The following GAS2L3 variants were observed in gnomAD, a reference collection of about 807,000 sequenced individuals.
The protein encoded by GAS2L3 is growth arrest specific 2 like 3, also known as GAS2-like protein 3.
Under a neutral mutation model 37.0 loss-of-function variants are expected in GAS2L3, and 28 were observed. The observed-to-expected ratio is 0.76, with a 90% confidence interval of 0.56 to 1.04. The LOEUF (loss-of-function observed/expected upper bound fraction) is 1.04. GAS2L3 is among the 50% of genes least tolerant of loss of function. The probability of loss-of-function intolerance (pLI) is 0.00; values close to 1 mark genes in which losing one functional copy is unlikely to be tolerated. For synonymous variants in GAS2L3, 290 were observed against 296.6 expected, an observed-to-expected ratio of 0.98 and a Z score of 0.23; for missense variants, 793 against 817.6, an observed-to-expected ratio of 0.97 and a Z score of 0.37.
rs1342441986 is a variant in GAS2L3 at position 100,600,512 on chromosome 12, T to A, written c.149T>A (p.Met50Lys). 1 of 1,613,908 alleles carries A rather than the reference T, an allele frequency of 6.2e-7. No homozygotes were observed. Among genetic ancestry groups the A allele is most frequent in the South Asian group, 1.1e-5 (1 of 91,044 alleles). The change falls in exon 4 of 10, where the codon ATG becomes AAG. Residue 50 changes from methionine (M) to lysine (K), a missense_variant. Physicochemically the swap from Met to Lys is moderately conservative, Grantham distance 95. Transcript: ENST00000547754. ...AGGCATGAAGCCACTTTGTTGCCCA[T>A]GCAAGAAGATCTGTCAATCTGGTTA... The part of the protein sequence containing the change: ...AVRHEATLLP[M>K]QEDLSIWLSG...
chr12:100,581,661 G>A (rs1180481938), intron 1 of GAS2L3, among the ~76,000 whole-genome samples: 6 of 152,184 alleles, frequency 3.9e-5, no homozygotes, highest in South Asian at 2.1e-4. Context: ...GAGTTCTTTT[G>A]TTGGAGAAAA....
In GAS2L3 at chr12:100,624,102, A is replaced by G; in HGVS notation, c.1297A>G (p.Arg433Gly). ...TGCACCTTGTATATCTGAGTCACCG[A>G]GAAAATGTATTTCATCCCCCAATAC... Reference protein sequence around the residue: ...RTAPCISESPRKCISSPNTPK... With the variant: ...RTAPCISESPGKCISSPNTPK... Residue 433 changes from arginine (R) to glycine (G), a missense_variant, in exon 10 of 10, where the codon AGA (arginine) becomes GGA (glycine). Arg to Gly is a moderately radical substitution (Grantham distance 125). Coordinates refer to ENST00000547754, the MANE Select transcript of GAS2L3 (RefSeq NM_174942.3). 1 of 1,614,094 alleles carries G rather than the reference A, an allele frequency of 6.2e-7. No individual in the cohort carries two copies. The highest frequency in any genetic ancestry group is 8.5e-7 in the Non-Finnish European group (1 of 1,180,012).
chr12:100,624,835 A>C lies in GAS2L3; in HGVS notation c.2030A>C (p.Lys677Thr). The C allele has an allele frequency of 6.2e-7, 1 of 1,610,018 alleles. No individual in the cohort carries two copies. The highest frequency in any genetic ancestry group is 8.5e-7 in the Non-Finnish European group (1 of 1,176,972). Reference protein sequence around the residue: ...SGDKKPTAKKKEDDDHYFVMT... With the variant: ...SGDKKPTAKKTEDDDHYFVMT... ...GATAAAAAACCTACTGCAAAGAAAA[A>C]GGAAGATGATGACCATTATTTTGTC... The change falls in exon 10 of 10, where the codon AAG becomes ACG. Residue 677 changes from lysine to threonine, a missense_variant. Coordinates refer to ENST00000547754, the MANE Select transcript of GAS2L3 (RefSeq NM_174942.3).
intron 6 of GAS2L3, among the ~76,000 whole-genome samples, chr12:100,613,541 T>A (rs912698018): frequency 3.3e-5 from 5 of 152,144 alleles, no homozygotes; most frequent in Admixed American, 3.3e-4. Flanking sequence ...GTATACTTTG[T>A]GCTTGGGGTG....
At chr12:100,622,808 A>G (rs1193961961) in intron 9 of GAS2L3, among the ~76,000 whole-genome samples, 1 of 148,396 alleles carries the variant, frequency 6.7e-6, no homozygotes, top group African/African-American at 2.5e-5. Context: ...TAGAGTTTAT[A>G]ATAATACAAG....
intron 5 of GAS2L3, among the ~76,000 whole-genome samples, chr12:100,605,754 C>T (rs58002121): frequency 0.018 from 2,799 of 151,698 alleles, 94 homozygotes; most frequent in African/African-American, 0.064. Flanking sequence ...ACCCACTGGT[C>T]GGTCATTCAG....
chr12:100,618,438 T>C lies in GAS2L3; in HGVS notation c.510-11T>C. 2.5e-6 allele frequency: 4 copies of C among 1,597,344 alleles called. No homozygotes were observed. The highest frequency in any genetic ancestry group is 2.6e-6 in the Non-Finnish European group (3 of 1,173,478). On this transcript the variant is annotated splice_polypyrimidine_tract_variant and intron_variant, in intron 7 of 9. Coordinates refer to ENST00000547754, the MANE Select transcript of GAS2L3 (RefSeq NM_174942.3). ...TTGCTTGAATGATCAGATCTCCTGG[T>C]TGGTTTTCAGATACGGGGTTGAGCC...
At chr12:100,619,548 T>C (rs1257304953) in intron 8 of GAS2L3, among the ~76,000 whole-genome samples, 1 of 152,056 alleles carries the variant, frequency 6.6e-6, no homozygotes, top group Admixed American at 6.6e-5. Context: ...TCAGATAACC[T>C]TGCAAGACAG....
intron 5 of GAS2L3, among the ~76,000 whole-genome samples, chr12:100,606,398 G>A (rs1309065757): frequency 6.6e-6 from 1 of 152,024 alleles, no homozygotes; most frequent in African/African-American, 2.4e-5. Context: ...GGTGAAGAGT[G>A]TTTCTTGGAG....
At chr12:100,580,745 T>C (rs948125528) in intron 1 of GAS2L3, among the ~76,000 whole-genome samples, 1 of 152,244 alleles carries the variant, frequency 6.6e-6, no homozygotes, top group Non-Finnish European at 1.5e-5. Flanking sequence ...TTGAGTAAGA[T>C]AGTCCATCAG....
At chr12:100,578,546 T>A (rs992823551) in intron 1 of GAS2L3, 2 of 167,280 alleles carry the variant, frequency 1.2e-5, no homozygotes, top group African/African-American at 4.8e-5. Flanking sequence ...CTGCATCTTC[T>A]AATTGTATAT....
chr12:100,621,943 CAG>C (rs1013884447), intron 8 of GAS2L3, among the ~76,000 whole-genome samples: 3 of 142,536 alleles, frequency 2.1e-5, no homozygotes, highest in Non-Finnish European at 4.6e-5. Flanking sequence ...GAGAGACAGA[CAG>C]AGAGATACCA....
In GAS2L3 at chr12:100,624,629, T is replaced by A. The variant is rs767447629; in HGVS notation, c.1824T>A (p.Pro608=). ...CAGGACCCAGCTCCTTGAAGTCTCC[T>A]GGCCGTACCCCACTGTCCATCGTGA... ...QKTGPSSLKS[P]GRTPLSIVSL... is the part of the protein sequence containing the mutation. Residue 608 remains proline (P), a synonymous_variant, in exon 10 of 10, where the codon CCT becomes CCA. Coordinates refer to ENST00000547754, the MANE Select transcript of GAS2L3 (RefSeq NM_174942.3). 2.5e-6 allele frequency: 4 copies of A among 1,614,004 alleles called. No homozygotes were observed. The highest frequency in any genetic ancestry group is 8.5e-7 in the Non-Finnish European group (1 of 1,180,032).
chr12:100,612,894 A>G (rs988338437), intron 6 of GAS2L3, among the ~76,000 whole-genome samples: 4 of 152,146 alleles, frequency 2.6e-5, no homozygotes, highest in Non-Finnish European at 5.9e-5. Flanking sequence ...GATAGTAAAA[A>G]GCAAACTGAC....
intron 7 of GAS2L3, 26 bp from the exon 8 acceptor site, chr12:100,618,423 G>A (rs780531077): frequency 1.9e-6 from 3 of 1,585,750 alleles, no homozygotes; most frequent in Admixed American, 1.8e-5. Context: ...TTGCTTGAAT[G>A]ATCAGATCTC....
intron 9 of GAS2L3, among the ~76,000 whole-genome samples, chr12:100,622,835 GA>G (rs1401863395): frequency 1.9e-5 from 2 of 103,642 alleles, no homozygotes; most frequent in African/African-American, 3.7e-5. Context: ...GCATTAAACA[GA>G]AAATATTTTT....
chr12:100,600,200 T>A (rs1043154454), intron 3 of GAS2L3, among the ~76,000 whole-genome samples, 182 bp from the exon 4 acceptor site: 3 of 152,180 alleles, frequency 2.0e-5, no homozygotes, highest in Non-Finnish European at 4.4e-5. Context: ...CACTCTAGCC[T>A]GGGCAACAGA....
rs1955992688 is a variant in GAS2L3 at position 100,601,729 on chromosome 12, A to C, written c.279A>C (p.Lys93Asn). Residue 93 changes from lysine to asparagine, a missense_variant, in exon 5 of 10, where the codon AAA becomes AAC. Coordinates refer to ENST00000547754, the MANE Select transcript of GAS2L3 (RefSeq NM_174942.3). ...TTGATGTTCTTCAAAACATGGTGAA[A>C]ACATGCAACTCTGAAGAATCAGGGG... ...QLIDVLQNMV[K>N]TCNSEESGNF... is the part of the protein sequence containing the mutation. 1.3e-6 allele frequency: 2 copies of C among 1,587,514 alleles called. No individual in the cohort carries two copies. The highest frequency in any genetic ancestry group is 1.7e-6 in the Non-Finnish European group (2 of 1,159,002).
At chr12:100,610,719 A>G (rs1246314348) in intron 5 of GAS2L3, among the ~76,000 whole-genome samples, 1 of 152,214 alleles carries the variant, frequency 6.6e-6, no homozygotes, top group Non-Finnish European at 1.5e-5. Flanking sequence ...GCATTAACAA[A>G]GATCATATTC....
Sources: gnomAD v4.1 joint callset for allele counts (sites outside exome capture counted in the v4.1 genomes callset) on GRCh38, gnomAD v4.1.1 for gene constraint, MANE v1.5 for transcripts, NCBI Gene and HGNC (gene_info 2026-07-23, HGNC 2026-07-21) for gene names.